Variants in TTBK2 observed in about 807,000 individuals in gnomAD.
The protein encoded by TTBK2 is tau tubulin kinase 2.
TTBK2 carries 28 observed loss-of-function variants against 110.8 expected under a neutral mutation model. The observed-to-expected ratio is 0.25, with a 90% CI of 0.19 to 0.35. TTBK2 has a LOEUF of 0.35. Among genes scored for constraint, TTBK2 ranks in the 10% least tolerant of loss-of-function variants. The probability of loss-of-function intolerance (pLI) is 1.00; values close to 1 mark genes in which losing one functional copy is unlikely to be tolerated. For synonymous variants in TTBK2, 532 were observed against 527.3 expected, an observed-to-expected ratio of 1.01 and a Z score of -0.12; for missense variants, 1,369 against 1,500.3, an observed-to-expected ratio of 0.91 and a Z score of 1.45.
chr15:42,803,027 C>T (rs1261328502), intron 9 of TTBK2, among the ~76,000 whole-genome samples: 1 of 152,192 alleles, frequency 6.6e-6, no homozygotes, highest in Non-Finnish European at 1.5e-5. Context: ...GATTGGCTCT[C>T]CCTGCTCCTC....
intron 14 of TTBK2, among the ~76,000 whole-genome samples, chr15:42,747,244 AAGCATG>A (rs1465836083): frequency 6.6e-6 from 1 of 152,088 alleles, no homozygotes; most frequent in East Asian, 1.9e-4. Context: ...CTGGGATTAC[AAGCATG>A]AACCGTAGTG....
intron 1 of TTBK2, among the ~76,000 whole-genome samples, chr15:42,892,154 C>G (rs954882017): frequency 4.6e-5 from 7 of 152,112 alleles, no homozygotes; most frequent in African/African-American, 1.7e-4. Context: ...TGATAACAAG[C>G]TAGTATATTC....
intron 3 of TTBK2, among the ~76,000 whole-genome samples, chr15:42,845,353 T>C (rs1893404388): frequency 6.6e-6 from 1 of 151,962 alleles, no homozygotes; most frequent in African/African-American, 2.4e-5. Context: ...AATCCACCAA[T>C]GCTCAAGTCT....
At chr15:42,917,499 T>C (rs1211783816) in intron 1 of TTBK2, among the ~76,000 whole-genome samples, 3 of 152,104 alleles carry the variant, frequency 2.0e-5, no homozygotes, top group African/African-American at 7.2e-5. Flanking sequence ...ATATGTGTTG[T>C]CCTTATGCTC....
chr15:42,815,913 AATATATATATATTTAAAAATAT>A (rs1891935119), intron 7 of TTBK2, among the ~76,000 whole-genome samples: 2 of 100,792 alleles, frequency 2.0e-5, no homozygotes, highest in African/African-American at 5.3e-5. Context: ...TATATTTAAA[AATATATATATATTTAAAAATAT>A]ATATATATAT....
In TTBK2 at chr15:42,746,022, T is replaced by C; in HGVS notation, c.3508A>G (p.Arg1170Gly). Residue 1170 changes from arginine (R) to glycine (G), a missense_variant, in exon 15 of 15, where the codon AGG becomes GGG. This residue lies in a region of TTBK2 where 1,097 missense variants were observed against 1,114.7 expected (regional missense o/e 0.98). Coordinates refer to ENST00000267890, the MANE Select transcript of TTBK2 (RefSeq NM_173500.4). ...TGGTCATGGTGGGGCCGTCCAGCCC[T>C]AGATGGTGAGGAACTAGACGTGCGA... ...LPRTSSSSPS[R>G]AGRPHHDQRS... The C allele has an allele frequency of 6.2e-7, 1 of 1,613,988 alleles. No homozygotes were observed. The highest frequency in any genetic ancestry group is 8.5e-7 in the Non-Finnish European group (1 of 1,179,988).
At chr15:42,898,221 A>G (rs1895743652) in intron 1 of TTBK2, among the ~76,000 whole-genome samples, 1 of 151,992 alleles carries the variant, frequency 6.6e-6, no homozygotes, top group African/African-American at 2.4e-5. Context: ...TAAACCACTC[A>G]TTTTGCCATA....
At chr15:42,827,032 C>T (rs969788585) in intron 6 of TTBK2, among the ~76,000 whole-genome samples, 2 of 152,130 alleles carry the variant, frequency 1.3e-5, no homozygotes, top group Non-Finnish European at 2.9e-5. Flanking sequence ...GGTATTTATG[C>T]CCCCAAGATA....
intron 3 of TTBK2, among the ~76,000 whole-genome samples, chr15:42,859,727 G>T (rs1265384748): frequency 6.6e-6 from 1 of 152,054 alleles, no homozygotes; most frequent in Non-Finnish European, 1.5e-5. Context: ...AATTTGAATA[G>T]AAAAAGCAAA....
intron 13 of TTBK2, among the ~76,000 whole-genome samples, chr15:42,771,274 G>A (rs1889663514): frequency 1.3e-5 from 2 of 152,134 alleles, no homozygotes; most frequent in African/African-American, 4.8e-5. Context: ...CGCCCGGCCT[G>A]AAGCATTCCT....
At chr15:42,757,325 G>T (rs959556669) in intron 13 of TTBK2, among the ~76,000 whole-genome samples, 14 of 151,782 alleles carry the variant, frequency 9.2e-5, no homozygotes, top group Admixed American at 7.9e-4. Flanking sequence ...TGCCCAGGCT[G>T]GTCTTGAACT....
At chr15:42,870,058 C>T (rs1178714253) in intron 3 of TTBK2, among the ~76,000 whole-genome samples, 1 of 151,968 alleles carries the variant, frequency 6.6e-6, no homozygotes, top group Non-Finnish European at 1.5e-5. Flanking sequence ...CCCGTAGTCC[C>T]AGCTACTTGG....
chr15:42,842,955 A>AAAAG (rs768172355), intron 3 of TTBK2, among the ~76,000 whole-genome samples: 15 of 152,330 alleles, frequency 9.8e-5, no homozygotes, highest in Non-Finnish European at 1.9e-4. Context: ...TGAAAGGATA[A>AAAAG]AATGATGGTC....
chr15:42,769,385 A>AAGAAGTT (rs1259307492), intron 13 of TTBK2, among the ~76,000 whole-genome samples: 1 of 152,222 alleles, frequency 6.6e-6, no homozygotes, highest in Non-Finnish European at 1.5e-5. Context: ...CTAATATCCA[A>AAGAAGTT]AATCTACAAA....
intron 6 of TTBK2, 50 bp downstream of exon 6, chr15:42,827,878 A>G: frequency 8.2e-6 from 12 of 1,464,600 alleles, no homozygotes; most frequent in Non-Finnish European, 1.0e-5. Context: ...GTGATACTAT[A>G]AATACCAGGG....
intron 14 of TTBK2, 60 bp downstream of exon 14, chr15:42,751,914 A>G: frequency 6.3e-7 from 1 of 1,596,050 alleles, no homozygotes; most frequent in Non-Finnish European, 8.6e-7. Flanking sequence ...GGTGGACTAC[A>G]ATAAAGCAGA....
chr15:42,844,812 A>G (rs1040349359), intron 3 of TTBK2, among the ~76,000 whole-genome samples: 7 of 152,220 alleles, frequency 4.6e-5, no homozygotes, highest in Admixed American at 6.5e-5. Flanking sequence ...AACAGATTTT[A>G]AAATCATGTA....
chr15:42,876,296 A>G (rs1366924148), intron 2 of TTBK2, among the ~76,000 whole-genome samples: 2 of 152,118 alleles, frequency 1.3e-5, no homozygotes, highest in Non-Finnish European at 2.9e-5. Context: ...AATTTTGGAG[A>G]TAAGTTGCTC....
intron 9 of TTBK2, among the ~76,000 whole-genome samples, chr15:42,802,741 G>A (rs1427947181): frequency 1.3e-5 from 2 of 152,198 alleles, no homozygotes; most frequent in Non-Finnish European, 2.9e-5. Flanking sequence ...TTAATACTGA[G>A]TGTCAAATTG....
Sources: allele counts gnomAD v4.1 joint callset (sites outside exome capture counted in the v4.1 genomes callset), GRCh38; gene constraint gnomAD v4.1.1; regional missense constraint gnomAD v4.1.1; transcripts MANE v1.5; gene names NCBI Gene and HGNC (gene_info 2026-07-23, HGNC 2026-07-21).